Variants in WDR1 observed in about 807,000 individuals in gnomAD.
WDR1 encodes WD repeat-containing protein 1.
In WDR1, 21 loss-of-function variants were observed where a neutral mutation model predicts 71.9. The ratio of observed to expected loss-of-function variants is 0.29; its 90% CI spans 0.21 to 0.42. The LOEUF is 0.42. Among genes scored for constraint, WDR1 ranks in the 10% least tolerant of loss-of-function variants. WDR1 has a pLI of 1.00. For synonymous variants in WDR1, 424 were observed against 347.4 expected (o/e 1.22, Z -2.45); for missense variants, 696 against 824.5 (o/e 0.84, Z 1.91).
chr4:10,116,589 G>A, intron 1 of WDR1, 62 bp downstream of exon 1: 3 of 1,139,854 alleles, frequency 2.6e-6, no homozygotes, highest in Non-Finnish European at 3.2e-6. Flanking sequence ...GCGCCTAGGG[G>A]CCGGGGACCG....
In WDR1 at chr4:10,114,892, G is replaced by A. The variant is rs538092573; in HGVS notation, c.138+1221C>T. 7.7e-4 allele frequency among the ~76,000 whole-genome samples: 118 copies of A among 152,338 alleles called. 2 individuals are homozygous for A. Among genetic ancestry groups the A allele is most frequent in the Admixed American group, 5.8e-3 (89 of 15,306 alleles). ...TGTCTTCCAGCAGAGGAACAGCAGC[G>A]ACTGCCTGGGTTAACGAGACAGATG... On this transcript the variant is annotated intron_variant, in intron 2 of 14. Transcript: ENST00000499869.
Position 10,116,770 on chromosome 4 carries a change from A to G in WDR1, c.-104T>C, listed in dbSNP as rs1381726476. ...GCCGAGCCCGGGGACTGGAGCCGGA[A>G]GGCGGCACCGGGCGTGCCGGGAGTG... On this transcript the variant is annotated 5_prime_UTR_variant, in exon 1 of 15. Coordinates refer to ENST00000499869, the MANE Select transcript of WDR1 (RefSeq NM_017491.5). 4.9e-6 allele frequency: 6 copies of G among 1,221,570 alleles called. No homozygotes were observed. Among genetic ancestry groups the G allele is most frequent in the East Asian group, 3.4e-5 (1 of 29,198 alleles). The allele number at this position is 1,221,570 out of a possible 1,614,324, so 75.7% of individuals were successfully genotyped here.
At chr4:10,077,646 C>G (rs2109632713) in intron 13 of WDR1, 107 bp downstream of exon 13, 1 of 1,470,730 alleles carries the variant, frequency 6.8e-7, no homozygotes, top group East Asian at 2.4e-5. Context: ...GGCAAGAAAA[C>G]TACAGCTCAG....
intron 8 of WDR1, among the ~76,000 whole-genome samples, chr4:10,087,299 G>A (rs1711646428): frequency 1.3e-5 from 2 of 152,370 alleles, no homozygotes; most frequent in South Asian, 2.1e-4. Context: ...GGACCTCAGC[G>A]ATGCCCCGTC....
At chr4:10,083,749 A>C (rs1765104260) in intron 9 of WDR1, 3 of 454,952 alleles carry the variant, frequency 6.6e-6, no homozygotes, top group Non-Finnish European at 1.3e-5. Flanking sequence ...GGTGGCTCCA[A>C]GGTTCAAGAC....
In WDR1 at chr4:10,084,545, C is replaced by A. The variant is rs762862792; in HGVS notation, c.952-15G>T. 6.2e-7 allele frequency: 1 copy of A among 1,613,150 alleles called. No homozygotes were observed. Among genetic ancestry groups the A allele is most frequent in the African/African-American group, 1.3e-5 (1 of 75,042 alleles). ...TTACTGTGACCCTGTGAAGGAGACA[C>A]ACTGGGCGGGTAAGCTGATGACACA... On this transcript the variant is annotated splice_polypyrimidine_tract_variant and intron_variant, in intron 8 of 14. Transcript: ENST00000499869.
intron 9 of WDR1, chr4:10,083,474 C>T (rs184476063): frequency 1.7e-4 from 92 of 533,916 alleles, no homozygotes; most frequent in Middle Eastern, 3.1e-4. Flanking sequence ...TACTAGTTAT[C>T]GGGTAGGCGC....
chr4:10,103,825 A>G, intron 3 of WDR1, 71 bp downstream of exon 3: 1 of 591,864 alleles, frequency 1.7e-6, no homozygotes, highest in Non-Finnish European at 2.4e-6. Context: ...CCAGAAGCCC[A>G]GCTTCGCCCT....
chr4:10,107,827 G>A (rs780668408), intron 2 of WDR1, among the ~76,000 whole-genome samples: 6 of 152,214 alleles, frequency 3.9e-5, no homozygotes, highest in Non-Finnish European at 8.8e-5. Flanking sequence ...ACTTCGGCAA[G>A]TGACAGCATG....
intron 3 of WDR1, among the ~76,000 whole-genome samples, chr4:10,102,325 G>T (rs1178908581): frequency 6.6e-6 from 1 of 152,238 alleles, no homozygotes; most frequent in Non-Finnish European, 1.5e-5. Context: ...GGCTGCCATG[G>T]TCTGAGTGTG....
intron 2 of WDR1, among the ~76,000 whole-genome samples, chr4:10,106,272 G>A (rs986082966): frequency 6.6e-6 from 1 of 152,176 alleles, no homozygotes; most frequent in African/African-American, 2.4e-5. Context: ...AAACTAAGAT[G>A]CTGGCTATTT....
chr4:10,075,060 GCT>G lies in WDR1; in HGVS notation c.*316_*317del, dbSNP rs994607940. The G allele has an allele frequency of 9.7e-5, 42 of 432,452 alleles. No individual in the cohort carries two copies. The highest frequency in any genetic ancestry group is 1.4e-4 in the Non-Finnish European group (35 of 243,702). 26.8% of individuals were successfully genotyped at this position (432,452 alleles called of 1,614,324 possible). On this transcript the variant is annotated 3_prime_UTR_variant, in exon 15 of 15. Coordinates refer to ENST00000499869, the MANE Select transcript of WDR1 (RefSeq NM_017491.5). ...AGTGAGAGCCGCGGCGGGGCCAGGG[GCT>G]CTGTGTGCTTTGGAGGCTACTGCCT...
At chr4:10,088,842 CAGTGTGAACTGTT>C in intron 5 of WDR1, 101 bp from the exon 6 acceptor site, 1 of 914,334 alleles carries the variant, frequency 1.1e-6, no homozygotes, top group Admixed American at 2.0e-5. Flanking sequence ...AGCTGTTCAT[CAGTGTGAACTGTT>C]AGTCCACTGG....
chr4:10,087,999 C>A, intron 7 of WDR1, 59 bp from the exon 8 acceptor site: 1 of 1,454,470 alleles, frequency 6.9e-7, no homozygotes, highest in South Asian at 1.4e-5. Flanking sequence ...AGAGAGACCC[C>A]AAAAAGCAGC....
intron 2 of WDR1, among the ~76,000 whole-genome samples, chr4:10,112,225 G>A (rs910049606): frequency 6.6e-6 from 1 of 152,116 alleles, no homozygotes; most frequent in Admixed American, 6.6e-5. Flanking sequence ...GTCATAAGAG[G>A]CAGAGGTGAT....
chr4:10,104,600 T>G (rs1049432859), intron 2 of WDR1, among the ~76,000 whole-genome samples: 4 of 152,182 alleles, frequency 2.6e-5, no homozygotes, highest in Non-Finnish European at 5.9e-5. Flanking sequence ...CATTTGAGAC[T>G]AGAAGCATCT....
chr4:10,114,429 G>T (rs1313615898), intron 2 of WDR1, among the ~76,000 whole-genome samples: 2 of 152,142 alleles, frequency 1.3e-5, no homozygotes, highest in Non-Finnish European at 2.9e-5. Context: ...TTAGAGTAAC[G>T]GACCCATGTG....
At chr4:10,114,066 C>G (rs1454521007) in intron 2 of WDR1, among the ~76,000 whole-genome samples, 1 of 151,968 alleles carries the variant, frequency 6.6e-6, no homozygotes, top group Non-Finnish European at 1.5e-5. Flanking sequence ...AGTACTTTGC[C>G]CTAAAAAAAA....
At chr4:10,107,534 A>G (rs1713095153) in intron 2 of WDR1, among the ~76,000 whole-genome samples, 1 of 151,768 alleles carries the variant, frequency 6.6e-6, no homozygotes, top group East Asian at 1.9e-4. Context: ...GTTGCCAGCC[A>G]CTCCTTGGGC....
Sources: allele counts gnomAD v4.1 joint callset (sites outside exome capture counted in the v4.1 genomes callset), GRCh38; gene constraint gnomAD v4.1.1; transcripts MANE v1.5; gene names NCBI Gene and HGNC (gene_info 2026-07-23, HGNC 2026-07-21).